Variants in FOXN3 observed in about 807,000 individuals in gnomAD.
FOXN3 encodes the protein forkhead box protein N3.
Under a neutral mutation model 38.4 loss-of-function variants are expected in FOXN3, and 7 were observed. The ratio of observed to expected loss-of-function variants is 0.18; its 90% confidence interval spans 0.10 to 0.34. FOXN3 has a LOEUF of 0.34. FOXN3 is among the 10% of genes least tolerant of loss of function. The probability of loss-of-function intolerance (pLI) is 1.00; values close to 1 mark genes in which losing one functional copy is unlikely to be tolerated. For missense variants in FOXN3, 456 were observed against 613.4 expected (o/e 0.74, Z 2.71); for synonymous variants, 230 against 242.2 (o/e 0.95, Z 0.47).
At chr14:89,356,926 T>G (rs1010099913) in intron 2 of FOXN3, among the ~76,000 whole-genome samples, 4 of 152,202 alleles carry the variant, frequency 2.6e-5, no homozygotes, top group Admixed American at 2.6e-4. Flanking sequence ...AAGTTGCTGC[T>G]GTGTGAGAAA....
chr14:89,364,729 A>G (rs1277011626), intron 2 of FOXN3: 1 of 152,234 alleles, frequency 6.6e-6, no homozygotes, highest in Non-Finnish European at 1.5e-5. Context: ...TGATATTCAG[A>G]CACCTGAGCT....
At chr14:89,385,986 A>C (rs971031668) in intron 2 of FOXN3, among the ~76,000 whole-genome samples, 2 of 152,236 alleles carry the variant, frequency 1.3e-5, no homozygotes, top group African/African-American at 4.8e-5. Context: ...GAATAAAAGA[A>C]TTGCAGATTC....
intron 1 of FOXN3, among the ~76,000 whole-genome samples, chr14:89,463,248 T>G (rs1892893071): frequency 6.7e-6 from 1 of 149,508 alleles, no homozygotes; most frequent in African/African-American, 2.4e-5. Flanking sequence ...GACTCCAGCC[T>G]GGGCGACAGA....
chr14:89,392,547 T>C (rs372591027), intron 2 of FOXN3, among the ~76,000 whole-genome samples: 6 of 152,228 alleles, frequency 3.9e-5, no homozygotes, highest in Middle Eastern at 3.4e-3. Flanking sequence ...GTCAGAATCC[T>C]TGCTGTTCCT....
chr14:89,315,497 G>A (rs768780164), intron 3 of FOXN3, among the ~76,000 whole-genome samples: 1 of 152,058 alleles, frequency 6.6e-6, no homozygotes, highest in Non-Finnish European at 1.5e-5. Flanking sequence ...CAGTCTCGTA[G>A]GCATGTCTTT....
At chr14:89,468,903 TA>T (rs751334137) in intron 1 of FOXN3, among the ~76,000 whole-genome samples, 1 of 152,188 alleles carries the variant, frequency 6.6e-6, no homozygotes, top group Non-Finnish European at 1.5e-5. Flanking sequence ...CTGTGCATCA[TA>T]CATTTTGAGA....
chr14:89,246,063 A>G (rs1243375313), intron 4 of FOXN3, among the ~76,000 whole-genome samples: 3 of 152,146 alleles, frequency 2.0e-5, no homozygotes, highest in Non-Finnish European at 4.4e-5. Flanking sequence ...GGTGATGAAA[A>G]TATTCTAAAA....
At chr14:89,350,948 C>T (rs1331828523) in intron 2 of FOXN3, 140 bp from the exon 3 acceptor site, 10 of 549,694 alleles carry the variant, frequency 1.8e-5, no homozygotes, top group East Asian at 6.9e-5. Flanking sequence ...AAATATTATA[C>T]TGACAGTAGA....
chr14:89,550,914 C>T (rs569428210), intron 1 of FOXN3, among the ~76,000 whole-genome samples: 6 of 152,254 alleles, frequency 3.9e-5, no homozygotes, highest in African/African-American at 1.4e-4. Context: ...TAGGGGCAGG[C>T]AAACTAGAGC....
chr14:89,312,425 C>T (rs1887585663), intron 3 of FOXN3, among the ~76,000 whole-genome samples: 2 of 151,746 alleles, frequency 1.3e-5, no homozygotes, highest in Admixed American at 6.6e-5. Flanking sequence ...AAAAAAAAAT[C>T]TCTATCAATT....
chr14:89,362,325 T>C (rs374376032), intron 2 of FOXN3, among the ~76,000 whole-genome samples: 10 of 264 alleles, frequency 0.038, no homozygotes, highest in African/African-American at 0.041. Flanking sequence ...GCACCACCTC[T>C]ACCACCACCA....
Position 89,512,113 on chromosome 14 carries a change from T to C in FOXN3, c.-14-99623A>G, listed in dbSNP as rs150917929. Among the ~76,000 whole-genome samples, 438 of 151,242 alleles carry C rather than the reference T, an allele frequency of 2.9e-3. 1 individual carries two copies. Among genetic ancestry groups the C allele is most frequent in the African/African-American group, 9.9e-3 (409 of 41,164 alleles). ...GCTTTCTCAGAGGGCACACCGCTGT[T>C]CTCAGCTCTTTCCCTACAACAAACG... On this transcript the variant is annotated intron_variant, in intron 1 of 6. Coordinates refer to the FOXN3 transcript ENST00000345097.
chr14:89,265,441 T>G (rs941181230), intron 4 of FOXN3, among the ~76,000 whole-genome samples: 1 of 152,104 alleles, frequency 6.6e-6, no homozygotes, highest in Non-Finnish European at 1.5e-5. Flanking sequence ...GGAAAAGGTC[T>G]GAGAATCACT....
chr14:89,245,031 A>G (rs1325724250), intron 4 of FOXN3, among the ~76,000 whole-genome samples: 2 of 152,216 alleles, frequency 1.3e-5, no homozygotes, highest in Non-Finnish European at 2.9e-5. Context: ...TGTCAGGTGG[A>G]TGGAAGTGCT....
At chr14:89,318,768 A>T (rs902795296) in intron 3 of FOXN3, among the ~76,000 whole-genome samples, 2 of 152,196 alleles carry the variant, frequency 1.3e-5, no homozygotes, top group Non-Finnish European at 2.9e-5. Flanking sequence ...TGACTGGTGG[A>T]GCTGACCACT....
chr14:89,307,504 G>A (rs1018766347), intron 3 of FOXN3, among the ~76,000 whole-genome samples: 3 of 152,158 alleles, frequency 2.0e-5, no homozygotes, highest in Non-Finnish European at 2.9e-5. Context: ...CTGGATGGCC[G>A]GTGAACTTTG....
chr14:89,450,565 A>T (rs1892594872), intron 1 of FOXN3, among the ~76,000 whole-genome samples: 1 of 151,278 alleles, frequency 6.6e-6, no homozygotes. Flanking sequence ...CTCAGAAAAA[A>T]ATAACATTCT....
At position 89,511,247 on chromosome 14, in the gene FOXN3, TTTTCTTTCTTTCTTTC is replaced by T. The variant is rs869191500; in HGVS notation, c.-14-98773_-14-98758del. Among the ~76,000 whole-genome samples, 37 of 11,296 alleles carry T rather than the reference TTTTCTTTCTTTCTTTC, an allele frequency of 3.3e-3. 5 individuals are homozygous for T. The highest frequency in any genetic ancestry group is 0.015 in the East Asian group (16 of 1,052). 7.4% of individuals were successfully genotyped at this position (11,296 alleles called of 152,430 possible). A position where few individuals can be genotyped will look rare whatever the true frequency, so the allele number is the denominator to read the frequency against. On this transcript the variant is annotated intron_variant, in intron 1 of 6. Transcript: ENST00000345097. Reference sequence around the variant, plus strand: ...TCTTTCTTTTCTTTCCTTTTCTTTCTTTTCTTTCTTTCTTTCTTTCTTTCTTTCTTTCTTTCTTTCT... The same window carrying T: ...TCTTTCTTTTCTTTCCTTTTCTTTCTTTTCTTTCTTTCTTTCTTTCTTTCT...
chr14:89,350,170 T>C (rs1306270775), intron 3 of FOXN3: 1 of 152,236 alleles, frequency 6.6e-6, no homozygotes, highest in Non-Finnish European at 1.5e-5. Flanking sequence ...CTCTATTGTT[T>C]CTACTGTTCT....
Sources: gnomAD v4.1 joint callset for allele counts (sites outside exome capture counted in the v4.1 genomes callset) on GRCh38, gnomAD v4.1.1 for gene constraint, MANE v1.5 for transcripts, NCBI Gene and HGNC (gene_info 2026-07-23, HGNC 2026-07-21) for gene names.